The following SLC25A46 variants were observed in gnomAD, a reference collection of about 807,000 sequenced individuals.
SLC25A46 encodes the protein mitochondrial outer membrane protein SLC25A46.
Under a neutral mutation model 44.6 loss-of-function variants are expected in SLC25A46, and 39 were observed. The ratio of observed to expected loss-of-function variants is 0.87; its 90% CI spans 0.68 to 1.14. The LOEUF (loss-of-function observed/expected upper bound fraction) is 1.14, where lower values mean the gene tolerates loss of function less well. Among genes scored for constraint, SLC25A46 ranks in the 50% most tolerant of loss-of-function variants. SLC25A46 has a pLI of 0.00. For missense variants in SLC25A46, 547 were observed against 522.7 expected (o/e 1.05, Z -0.45); for synonymous variants, 202 against 185.8 (o/e 1.09, Z -0.71).
chr5:110,738,896 C>A, upstream of SLC25A46: 1 of 1,203,044 alleles, frequency 8.3e-7, no homozygotes. Flanking sequence ...CTTTTAAGGT[C>A]CAGGTTACCG....
intron 7 of SLC25A46, among the ~76,000 whole-genome samples, chr5:110,757,353 C>T (rs1216978686): frequency 6.6e-6 from 1 of 152,104 alleles, no homozygotes; most frequent in African/African-American, 2.4e-5. Context: ...AAATGTCTTA[C>T]CCTCCTTCCT....
In SLC25A46 at chr5:110,762,463, G is replaced by A. The variant is rs147512045; in HGVS notation, c.*681G>A. 3 of 151,478 alleles carry A rather than the reference G, an allele frequency of 2.0e-5. No individual in the cohort carries two copies. The highest frequency in any genetic ancestry group is 2.9e-5 in the Non-Finnish European group (2 of 67,856). The allele number at this position is 151,478 out of a possible 1,614,324, so 9.4% of individuals were successfully genotyped here. On this transcript the variant is annotated 3_prime_UTR_variant, in exon 8 of 8. Coordinates refer to ENST00000355943, the MANE Select transcript of SLC25A46 (RefSeq NM_138773.4). ...CTTATTGCATAAAACAAAGTCACGCGCTTTCTGCTTGAACATCAAAATATC... is the reference window on the plus strand; with the variant it reads ...CTTATTGCATAAAACAAAGTCACGCACTTTCTGCTTGAACATCAAAATATC...
chr5:110,753,088 GTAGA>G (rs1245465756), intron 5 of SLC25A46, among the ~76,000 whole-genome samples: 2 of 152,114 alleles, frequency 1.3e-5, no homozygotes, highest in East Asian at 3.9e-4. Context: ...GTCAAATAAG[GTAGA>G]GACTTAAAAA....
chr5:110,746,155 T>G, intron 3 of SLC25A46, 114 bp from the exon 4 acceptor site: 1 of 836,878 alleles, frequency 1.2e-6, no homozygotes, highest in Non-Finnish European at 1.9e-6. Context: ...TAATTTATGT[T>G]GACTTTGGAA....
chr5:110,761,354 A>C lies in SLC25A46; in HGVS notation c.829A>C (p.Ile277Leu), dbSNP rs747810302. The C allele has an allele frequency of 1.7e-5, 28 of 1,613,678 alleles. No individual in the cohort carries two copies. The highest frequency in any genetic ancestry group is 3.3e-5 in the Admixed American group (2 of 59,928). The change falls in exon 8 of 8, where the codon ATC becomes CTC. Residue 277 changes from isoleucine (I) to leucine (L), a missense_variant. Ile to Leu is a conservative substitution (Grantham distance 5). Coordinates refer to ENST00000355943, the MANE Select transcript of SLC25A46 (RefSeq NM_138773.4). This position sits in a 1 kb window ranked among gnomAD's most constrained non-coding sequence, Gnocchi z 5.3. The part of the protein sequence containing the change: ...PTVLHGVLHY[I>L]ISSVIQKFVL... ...GGTGCTTCATGGAGTTCTTCATTAC[A>C]TCATCAGCTCAGTTATTCAGAAGTT...
intron 1 of SLC25A46, among the ~76,000 whole-genome samples, chr5:110,740,396 T>C (rs1487636829): frequency 6.6e-6 from 1 of 152,154 alleles, no homozygotes; most frequent in Non-Finnish European, 1.5e-5. Flanking sequence ...GAAAGATAGA[T>C]GACTTACCTA....
intron 7 of SLC25A46, chr5:110,756,989 ACTCTTCATTTAGACAT>A: frequency 5.8e-6 from 2 of 345,092 alleles, no homozygotes; most frequent in Non-Finnish European, 1.0e-5. Context: ...AGGCAACTAT[ACTCTTCATTTAGACAT>A]CTCAGAACAC....
chr5:110,750,230 T>C (rs1799931382), intron 5 of SLC25A46, among the ~76,000 whole-genome samples: 1 of 124,066 alleles, frequency 8.1e-6, no homozygotes, highest in Non-Finnish European at 1.7e-5. Flanking sequence ...GTCAGCAACA[T>C]TTGGGCAGCT....
At chr5:110,749,022 C>T (rs575820424) in intron 5 of SLC25A46, among the ~76,000 whole-genome samples, 9 of 151,832 alleles carry the variant, frequency 5.9e-5, no homozygotes, top group African/African-American at 1.2e-4. Flanking sequence ...ATAATCTAGG[C>T]GAGGCTGAGA....
In SLC25A46 at chr5:110,742,277, T is replaced by C. The variant is rs561731256; in HGVS notation, c.326+188T>C. The stretch of plus-strand genomic sequence containing the variant: ...TTAAAATATATAATTTGATAGTTTT[T>C]CCAGTAAGGATAGACTAGTCATCCA... On this transcript the variant is annotated intron_variant, in intron 2 of 7. Transcript: ENST00000355943. 1.2e-4 allele frequency among the ~76,000 whole-genome samples: 18 copies of C among 152,248 alleles called. 1 individual carries two copies. The highest frequency in any genetic ancestry group is 6.8e-3 in the Middle Eastern group (2 of 292).
At chr5:110,744,712 C>T (rs888314306) in intron 3 of SLC25A46, among the ~76,000 whole-genome samples, 1 of 152,118 alleles carries the variant, frequency 6.6e-6, no homozygotes, top group Non-Finnish European at 1.5e-5. Context: ...AACAATCTCA[C>T]TTTGTTTATT....
rs1396533926 is a variant in SLC25A46, at chr5:110,764,259, G to T, written c.*2477G>T. ...GTACACTGAAAGCAATTAAAAACTG[G>T]TAAATATTAATTTACTATGTAAAGT... is the stretch of plus-strand genomic sequence containing the variant. On this transcript the variant is annotated 3_prime_UTR_variant, in exon 8 of 8. Coordinates refer to ENST00000355943, the MANE Select transcript of SLC25A46 (RefSeq NM_138773.4). The T allele has an allele frequency of 2.0e-5, 3 of 151,638 alleles. No homozygotes were observed. Among genetic ancestry groups the T allele is most frequent in the Non-Finnish European group, 4.4e-5 (3 of 67,792 alleles). 9.4% of individuals were successfully genotyped at this position (151,638 alleles called of 1,614,324 possible).
At chr5:110,756,651 G>T in intron 6 of SLC25A46, 51 bp from the exon 7 acceptor site, 1 of 1,241,802 alleles carries the variant, frequency 8.1e-7, no homozygotes, top group East Asian at 2.5e-5. Context: ...AAAAAATTTA[G>T]TATAAGCATC....
At chr5:110,742,442 C>T (rs908768307) in intron 2 of SLC25A46, among the ~76,000 whole-genome samples, 8 of 151,942 alleles carry the variant, frequency 5.3e-5, no homozygotes, top group African/African-American at 1.9e-4. Context: ...GATCAAATGG[C>T]TCTGCTGATA....
rs17446534 is a variant in SLC25A46 at position 110,743,749 on chromosome 5, T to C, written c.346T>C (p.Leu116=). Residue 116 remains leucine, a synonymous_variant, in exon 3 of 8, where the codon TTG becomes CTG. Coordinates refer to ENST00000355943, the MANE Select transcript of SLC25A46 (RefSeq NM_138773.4). ...GLASLFTENV[L]AHPCIVLRRQ... ...ATATAGTCTCTTTACAGAAAATGTA[T>C]TGGCACATCCTTGCATTGTTCTACG... 126,962 of 1,599,658 alleles carry C rather than the reference T, an allele frequency of 0.079. 5,562 individuals are homozygous for C. The highest frequency in any genetic ancestry group is 0.089 in the Non-Finnish European group (104,468 of 1,170,302).
chr5:110,743,349 T>C (rs1799736957), intron 2 of SLC25A46, among the ~76,000 whole-genome samples: 1 of 152,090 alleles, frequency 6.6e-6, no homozygotes, highest in Admixed American at 6.5e-5. Context: ...CTGATAGGAA[T>C]TCTGTTATTA....
rs1255556347 is a variant in SLC25A46, at chr5:110,761,079, C to T, written c.679-125C>T. The T allele has an allele frequency of 1.8e-5, 13 of 728,192 alleles. No individual in the cohort carries two copies. The highest frequency in any genetic ancestry group is 2.9e-5 in the Non-Finnish European group (13 of 445,164). 45.1% of individuals were successfully genotyped at this position (728,192 alleles called of 1,614,324 possible). ...ATGCCTAGATAACAGTTAAAGTCTG[C>T]AAATCATGGATGTTTCCCTCTTCAG... On this transcript the variant is annotated intron_variant, in intron 7 of 7. Transcript: ENST00000355943. This position sits in a 1 kb window ranked among gnomAD's most constrained non-coding sequence, Gnocchi z 5.3.
chr5:110,755,319 G>A, intron 5 of SLC25A46, 146 bp from the exon 6 acceptor site: 1 of 567,676 alleles, frequency 1.8e-6, no homozygotes, highest in East Asian at 3.3e-5. Context: ...CTGTGTTCTA[G>A]AAAAGAAAAT....
intron 3 of SLC25A46, among the ~76,000 whole-genome samples, chr5:110,744,490 T>C (rs1199710739): frequency 5.3e-5 from 8 of 152,350 alleles, no homozygotes; most frequent in South Asian, 2.1e-4. Flanking sequence ...TATTGACCAA[T>C]TGAGTTACAT....
Sources: allele counts gnomAD v4.1 joint callset (sites outside exome capture counted in the v4.1 genomes callset), GRCh38; gene constraint gnomAD v4.1.1; non-coding constraint Gnocchi (gnomAD v3.1); transcripts MANE v1.5; gene names NCBI Gene and HGNC (gene_info 2026-07-23, HGNC 2026-07-21).